The following AGAP1 variants were observed in gnomAD, a reference collection of about 807,000 sequenced individuals.
The protein encoded by AGAP1 is ArfGAP with GTPase domain, ankyrin repeat and PH domain 1.
A neutral mutation model predicts 105.3 loss-of-function variants in AGAP1; 29 were observed. The observed-to-expected ratio is 0.28, with a 90% CI of 0.21 to 0.38. The LOEUF is 0.38. Ranked by LOEUF, AGAP1 falls within the 10% of genes least tolerant of loss-of-function variation. The pLI, the probability that AGAP1 is intolerant of heterozygous loss-of-function variation, is 1.00. For missense variants in AGAP1, 998 were observed against 1,165.1 expected (o/e 0.86, Z 2.09); for synonymous variants, 509 against 485.9 (o/e 1.05, Z -0.63).
Position 235,970,901 on chromosome 2 carries a change from G to A in AGAP1, c.1645+2278G>A, listed in dbSNP as rs540223790. 5.8e-4 allele frequency among the ~76,000 whole-genome samples: 89 copies of A among 152,304 alleles called. No homozygotes were observed. Among genetic ancestry groups the A allele is most frequent in the Non-Finnish European group, 8.2e-4 (56 of 68,032 alleles). ...ATAGTGGATACCCAGGCTGAGACAC[G>A]GGCTCTGTCCAAGCAGCAAATGGGG... is the stretch of plus-strand genomic sequence containing the variant. On this transcript the variant is annotated intron_variant, in intron 13 of 17. Coordinates refer to ENST00000304032, the MANE Select transcript of AGAP1 (RefSeq NM_001037131.3). The surrounding 1 kb of genome is among the most constrained non-coding windows in gnomAD (Gnocchi z 5.4).
Position 235,611,883 on chromosome 2 carries a change from G to A in AGAP1, c.164-97296G>A, listed in dbSNP as rs763961342. ...TCCAGTTGTGGAACATATGGTCACCGTTCTGTGACTGGGAGCATTGCTGTT... is the reference window on the plus strand; with the variant it reads ...TCCAGTTGTGGAACATATGGTCACCATTCTGTGACTGGGAGCATTGCTGTT... On this transcript the variant is annotated intron_variant, in intron 1 of 17. Coordinates refer to ENST00000304032, the MANE Select transcript of AGAP1 (RefSeq NM_001037131.3). This position sits in a 1 kb window ranked among gnomAD's most constrained non-coding sequence, Gnocchi z 5.0. Among the ~76,000 whole-genome samples the A allele has an allele frequency of 2.0e-5, 3 of 152,120 alleles. No homozygotes were observed. The highest frequency in any genetic ancestry group is 2.9e-5 in the Non-Finnish European group (2 of 68,036).
chr2:235,513,104 G>C (rs995627047), intron 1 of AGAP1, among the ~76,000 whole-genome samples: 1 of 152,156 alleles, frequency 6.6e-6, no homozygotes, highest in African/African-American at 2.4e-5. Flanking sequence ...TTCTAGTTCA[G>C]ATGTGGCTTC....
At position 235,611,604 on chromosome 2, in the gene AGAP1, A is replaced by C. The variant is rs4378750; in HGVS notation, c.164-97575A>C. 6.6e-6 allele frequency among the ~76,000 whole-genome samples: 1 copy of C among 151,988 alleles called. No individual in the cohort carries two copies. The highest frequency in any genetic ancestry group is 2.4e-5 in the African/African-American group (1 of 41,374). On this transcript the variant is annotated intron_variant, in intron 1 of 17. Transcript: ENST00000304032. The surrounding 1 kb of genome is among the most constrained non-coding windows in gnomAD (Gnocchi z 5.0). ...GTGTAATTAGAGAATCCCTCTCCAC[A>C]TGTGTTCTCTGAACAGGGAGCCCAG...
At position 236,053,160 on chromosome 2, in the gene AGAP1, A is replaced by G. The variant is rs965124540; in HGVS notation, c.2114+3879A>G. Among the ~76,000 whole-genome samples the G allele has an allele frequency of 1.3e-5, 2 of 152,202 alleles. No individual in the cohort carries two copies. The highest frequency in any genetic ancestry group is 2.9e-5 in the Non-Finnish European group (2 of 68,026). ...GTTAGAGGTACATGGTGTTACTGTA[A>G]GGAGAAGTTGCCAAGCTCCTTGGTG... On this transcript the variant is annotated intron_variant, in intron 16 of 17. Transcript: ENST00000304032. The surrounding 1 kb of genome is among the most constrained non-coding windows in gnomAD (Gnocchi z 4.6).
chr2:236,100,564 C>T (rs750541521), intron 16 of AGAP1, among the ~76,000 whole-genome samples: 1 of 152,136 alleles, frequency 6.6e-6, no homozygotes, highest in African/African-American at 2.4e-5. Flanking sequence ...GTGGCTCACA[C>T]CTGCAATCCC....
chr2:235,871,703 C>A (rs567274082), intron 9 of AGAP1, among the ~76,000 whole-genome samples: 1 of 152,242 alleles, frequency 6.6e-6, no homozygotes, highest in Non-Finnish European at 1.5e-5. Context: ...TTGACTGTTT[C>A]TTATAACACT....
intron 1 of AGAP1, among the ~76,000 whole-genome samples, chr2:235,678,661 G>T (rs1326019215): frequency 6.6e-6 from 1 of 152,114 alleles, no homozygotes; most frequent in African/African-American, 2.4e-5. Context: ...CTCTCAGGGG[G>T]TAGTTTTCTC....
At chr2:235,853,063 C>A in intron 9 of AGAP1, 1 of 1,236,650 alleles carries the variant, frequency 8.1e-7, no homozygotes, top group Non-Finnish European at 1.0e-6. Flanking sequence ...GCAATTCAGT[C>A]CACAAAGGAA....
rs185915644 is a variant in AGAP1, at chr2:236,038,571, C to T, written c.1800+1856C>T. ...GACGCGTTGAGCAACCAAAGGTGGC[C>T]GACTCAGAGCTGGTCATCGTGGGCA... On this transcript the variant is annotated intron_variant, in intron 14 of 17. Transcript: ENST00000304032. This position sits in a 1 kb window ranked among gnomAD's most constrained non-coding sequence, Gnocchi z 4.5. 1.3e-5 allele frequency among the ~76,000 whole-genome samples: 2 copies of T among 152,166 alleles called. No homozygotes were observed. Among genetic ancestry groups the T allele is most frequent in the Admixed American group, 1.3e-4 (2 of 15,282 alleles).
In AGAP1 at chr2:235,769,378, G is replaced by A. The variant is rs1255721141; in HGVS notation, c.673+18890G>A. On this transcript the variant is annotated intron_variant, in intron 6 of 17. Coordinates refer to ENST00000304032, the MANE Select transcript of AGAP1 (RefSeq NM_001037131.3). The surrounding 1 kb of genome is among the most constrained non-coding windows in gnomAD (Gnocchi z 4.4). ...TTTCCTCCAGTGGCAAGGTTTGCGT[G>A]GTCTTCACTCTTTTGCAGAAAATTG... is the stretch of plus-strand genomic sequence containing the variant. Among the ~76,000 whole-genome samples the A allele has an allele frequency of 3.9e-5, 6 of 152,158 alleles. No individual in the cohort carries two copies. Among genetic ancestry groups the A allele is most frequent in the Non-Finnish European group, 8.8e-5 (6 of 68,034 alleles).
intron 6 of AGAP1, among the ~76,000 whole-genome samples, chr2:235,760,353 T>A (rs1025687937): frequency 6.6e-6 from 1 of 152,226 alleles, no homozygotes; most frequent in Non-Finnish European, 1.5e-5. Context: ...CACTCCAGCC[T>A]GGGCGACAGA....
In AGAP1 at chr2:235,692,056, A is replaced by G. The variant is rs1949758174; in HGVS notation, c.164-17123A>G. Among the ~76,000 whole-genome samples, 1 of 152,212 alleles carries G rather than the reference A, an allele frequency of 6.6e-6. No individual in the cohort carries two copies. The highest frequency in any genetic ancestry group is 2.4e-5 in the African/African-American group (1 of 41,442). ...AAGACTATAAAGTTTTCTCAAGAGGATGTAAACCAAGTAAACAAAATAAAT... is the reference window on the plus strand; with the variant it reads ...AAGACTATAAAGTTTTCTCAAGAGGGTGTAAACCAAGTAAACAAAATAAAT... On this transcript the variant is annotated intron_variant, in intron 1 of 17. Transcript: ENST00000304032. This position sits in a 1 kb window ranked among gnomAD's most constrained non-coding sequence, Gnocchi z 5.8.
intron 16 of AGAP1, among the ~76,000 whole-genome samples, chr2:236,054,085 GTC>G (rs2057984772): frequency 6.6e-6 from 1 of 152,182 alleles, no homozygotes; most frequent in African/African-American, 2.4e-5. Context: ...GATGGAACAA[GTC>G]TGCCCAGTGA....
chr2:235,704,164 G>C (rs549986872), intron 1 of AGAP1, among the ~76,000 whole-genome samples: 1 of 152,358 alleles, frequency 6.6e-6, no homozygotes, highest in East Asian at 1.9e-4. Flanking sequence ...TGAGGGCTGC[G>C]TTATGGGGTA....
In AGAP1 at chr2:235,728,167, G is replaced by A. The variant is rs916413366; in HGVS notation, c.310+10523G>A. On this transcript the variant is annotated intron_variant, in intron 3 of 17. Transcript: ENST00000304032. The surrounding 1 kb of genome is among the most constrained non-coding windows in gnomAD (Gnocchi z 4.3). ...GTAGAAGTTGAAAGAAACTCCCAACGGCAAATTAGGTCGAGTGCCAGAAAG... is the reference window on the plus strand; with the variant it reads ...GTAGAAGTTGAAAGAAACTCCCAACAGCAAATTAGGTCGAGTGCCAGAAAG... 2.9e-4 allele frequency among the ~76,000 whole-genome samples: 44 copies of A among 152,200 alleles called. No individual in the cohort carries two copies. The highest frequency in any genetic ancestry group is 1.0e-3 in the African/African-American group (43 of 41,540).
rs757323279 is a variant in AGAP1 at position 235,728,757 on chromosome 2, A to T, written c.310+11113A>T. ...CACTTGCTCTTTGAAGGCCAAATAC[A>T]TTGAAATGAAAGCGTGCCTAGTGGA... On this transcript the variant is annotated intron_variant, in intron 3 of 17. Coordinates refer to ENST00000304032, the MANE Select transcript of AGAP1 (RefSeq NM_001037131.3). The surrounding 1 kb of genome is among the most constrained non-coding windows in gnomAD (Gnocchi z 4.3). Among the ~76,000 whole-genome samples the T allele has an allele frequency of 2.0e-5, 3 of 152,176 alleles. No individual in the cohort carries two copies. The highest frequency in any genetic ancestry group is 4.4e-5 in the Non-Finnish European group (3 of 68,018).
At chr2:235,542,334 C>T (rs576566124) in intron 1 of AGAP1, among the ~76,000 whole-genome samples, 12 of 152,256 alleles carry the variant, frequency 7.9e-5, no homozygotes, top group East Asian at 5.8e-4. Flanking sequence ...TCAGGGAGCC[C>T]GCCCTTGTGT....
At chr2:235,702,038 TA>T (rs2149480931) in intron 1 of AGAP1, among the ~76,000 whole-genome samples, 1 of 152,330 alleles carries the variant, frequency 6.6e-6, no homozygotes, top group South Asian at 2.1e-4. Flanking sequence ...ATGTTGTTTT[TA>T]AAATGTCACC....
rs956237946 is a variant in AGAP1, at chr2:235,789,297, G to A, written c.674-8462G>A. ...AAATTTCCCCTCATTCTAAAATTCTGAAATTAACGTCAGCAGCCTTGACTT... is the reference window on the plus strand; with the variant it reads ...AAATTTCCCCTCATTCTAAAATTCTAAAATTAACGTCAGCAGCCTTGACTT... On this transcript the variant is annotated intron_variant, in intron 6 of 17. Transcript: ENST00000304032. The surrounding 1 kb of genome is among the most constrained non-coding windows in gnomAD (Gnocchi z 4.2). Among the ~76,000 whole-genome samples the A allele has an allele frequency of 6.6e-6, 1 of 152,162 alleles. No individual in the cohort carries two copies.
Sources: allele counts gnomAD v4.1 joint callset (sites outside exome capture counted in the v4.1 genomes callset), GRCh38; gene constraint gnomAD v4.1.1; non-coding constraint Gnocchi (gnomAD v3.1); transcripts MANE v1.5; gene names NCBI Gene and HGNC (gene_info 2026-07-23, HGNC 2026-07-21).